WDR7: variants seen among roughly 807,000 people sequenced by gnomAD.
WDR7 encodes WD repeat-containing protein 7.
Under a neutral mutation model 169.4 loss-of-function variants are expected in WDR7, and 46 were observed. The observed-to-expected ratio is 0.27, with a 90% confidence interval of 0.21 to 0.35. WDR7 has a LOEUF of 0.35. WDR7 is among the 10% of genes least tolerant of loss of function. The probability of loss-of-function intolerance (pLI) is 1.00; values close to 1 mark genes in which losing one functional copy is unlikely to be tolerated. For missense variants in WDR7, 1,534 were observed against 1,859.3 expected (o/e 0.83, Z 3.22); for synonymous variants, 612 against 666.8 (o/e 0.92, Z 1.27).
intron 26 of WDR7, among the ~76,000 whole-genome samples, chr18:56,970,650 C>T (rs2047471098): frequency 6.6e-6 from 1 of 152,120 alleles, no homozygotes; most frequent in African/African-American, 2.4e-5. Context: ...ATATTTGTTA[C>T]AACTGATGAA....
At chr18:56,950,654 T>C (rs2047168577) in intron 25 of WDR7, among the ~76,000 whole-genome samples, 1 of 152,160 alleles carries the variant, frequency 6.6e-6, no homozygotes, top group Non-Finnish European at 1.5e-5. Flanking sequence ...ATCCAGTACC[T>C]GGAGAGAAGG....
At chr18:56,685,899 A>G (rs2025433588) in intron 5 of WDR7, 57 bp from the exon 6 acceptor site, 2 of 1,351,274 alleles carry the variant, frequency 1.5e-6, no homozygotes, top group Non-Finnish European at 2.1e-6. Flanking sequence ...CTTAATATTT[A>G]GAAAAAGCGT....
intron 20 of WDR7, among the ~76,000 whole-genome samples, chr18:56,868,689 A>G (rs893656334): frequency 2.0e-5 from 3 of 152,152 alleles, no homozygotes; most frequent in African/African-American, 4.8e-5. Flanking sequence ...TCAGATTTGT[A>G]TAATTTTACA....
chr18:56,796,981 G>C (rs2044595116), intron 19 of WDR7, among the ~76,000 whole-genome samples: 1 of 152,046 alleles, frequency 6.6e-6, no homozygotes. Flanking sequence ...CCTTTGCTGG[G>C]ACCTTTATAG....
rs117273639 is a variant in WDR7 at position 56,651,503 on chromosome 18, C to T, written c.-93C>T. 1 of 152,746 alleles carries T rather than the reference C, an allele frequency of 6.5e-6. No homozygotes were observed. The highest frequency in any genetic ancestry group is 1.9e-4 in the East Asian group (1 of 5,182). 9.5% of individuals were successfully genotyped at this position (152,746 alleles called of 1,614,324 possible). Reference sequence around the variant, plus strand: ...GCATCCTCCGTAGTTCCGCCCTATCCTTGTCCTCCTTGGCTGGGGCGCCCA... The same window carrying T: ...GCATCCTCCGTAGTTCCGCCCTATCTTTGTCCTCCTTGGCTGGGGCGCCCA... On this transcript the variant is annotated 5_prime_UTR_variant, in exon 1 of 28. Transcript: ENST00000254442.
intron 26 of WDR7, among the ~76,000 whole-genome samples, chr18:56,973,758 T>C (rs146349308): frequency 8.5e-4 from 130 of 152,258 alleles, no homozygotes; most frequent in African/African-American, 3.0e-3. Flanking sequence ...ATTTCAAGGG[T>C]TGTGTCAAGA....
intron 26 of WDR7, among the ~76,000 whole-genome samples, chr18:56,996,904 A>G (rs2145874584): frequency 6.6e-6 from 1 of 152,346 alleles, no homozygotes; most frequent in Non-Finnish European, 1.5e-5. Flanking sequence ...ACTTGAGTAG[A>G]AAAACGCACA....
intron 1 of WDR7, 47 bp from the exon 2 acceptor site, chr18:56,672,450 T>C (rs1026886720): frequency 1.9e-5 from 26 of 1,376,494 alleles, no homozygotes; most frequent in Non-Finnish European, 2.4e-5. Context: ...ATAACATGTT[T>C]TCGAGAGAAA....
At position 56,756,760 on chromosome 18, in the gene WDR7, G is replaced by T. The variant is rs756223926; in HGVS notation, c.2167G>T (p.Ala723Ser). 9 of 1,614,088 alleles carry T rather than the reference G, an allele frequency of 5.6e-6. No homozygotes were observed. In the South Asian group the frequency reaches 7.7e-5, roughly 14 times the overall value. ...TATTTCCCCAGAGAATTTGCAAAAA[G>T]CATCTGGCAGTTCAGACAAAGGGGG... The part of the protein sequence containing the change: ...ALISPENLQK[A>S]SGSSDKGGSF... Residue 723 changes from alanine (A) to serine (S), a missense_variant, in exon 15 of 28, where the codon GCA becomes TCA. Transcript: ENST00000254442.
chr18:56,673,380 A>C (rs751267576), intron 2 of WDR7, among the ~76,000 whole-genome samples: 1 of 152,184 alleles, frequency 6.6e-6, no homozygotes, highest in Non-Finnish European at 1.5e-5. Context: ...CTTTTTTTGG[A>C]TAATAGCCTT....
chr18:56,718,794 T>C (rs2026251039), intron 13 of WDR7, among the ~76,000 whole-genome samples: 2 of 152,254 alleles, frequency 1.3e-5, no homozygotes, highest in Non-Finnish European at 2.9e-5. Context: ...TTTCACAATT[T>C]TCACTAATCA....
chr18:56,762,368 T>G (rs1314129793), intron 16 of WDR7, among the ~76,000 whole-genome samples: 3 of 152,042 alleles, frequency 2.0e-5, no homozygotes, highest in Non-Finnish European at 4.4e-5. Flanking sequence ...ATTTCTTTCA[T>G]AAATTCAAAC....
At chr18:56,776,964 C>A in intron 17 of WDR7, 84 bp downstream of exon 17, 2 of 1,262,104 alleles carry the variant, frequency 1.6e-6, no homozygotes, top group Non-Finnish European at 2.3e-6. Flanking sequence ...GTTACACATT[C>A]ATCTGCTTTG....
chr18:56,701,693 A>C (rs2025838379), intron 12 of WDR7, among the ~76,000 whole-genome samples: 1 of 152,164 alleles, frequency 6.6e-6, no homozygotes, highest in African/African-American at 2.4e-5. Flanking sequence ...TGGGCTATTA[A>C]CTTTTCATCT....
chr18:56,851,629 A>G (rs2045641946), intron 20 of WDR7, among the ~76,000 whole-genome samples: 1 of 152,114 alleles, frequency 6.6e-6, no homozygotes. Context: ...ATTGACCTAG[A>G]CCAAGATTTC....
chr18:56,910,725 T>G (rs1440629549), intron 21 of WDR7, among the ~76,000 whole-genome samples: 1 of 152,174 alleles, frequency 6.6e-6, no homozygotes, highest in African/African-American at 2.4e-5. Flanking sequence ...ATGCTTCTTT[T>G]TTGTCTTAAA....
At chr18:56,908,336 C>T (rs4801060) in intron 21 of WDR7, among the ~76,000 whole-genome samples, 123,969 of 152,136 alleles carry the variant, frequency 0.81, 50,928 homozygotes, top group East Asian at 0.98. Flanking sequence ...TTCTGCCATC[C>T]TTGGGAAACT....
intron 20 of WDR7, among the ~76,000 whole-genome samples, chr18:56,834,173 G>C (rs1284845324): frequency 6.6e-6 from 1 of 152,200 alleles, no homozygotes; most frequent in African/African-American, 2.4e-5. Context: ...CATCTTTGAA[G>C]ACAGCACAAC....
At chr18:56,889,053 C>T (rs943885133) in intron 21 of WDR7, among the ~76,000 whole-genome samples, 7 of 152,064 alleles carry the variant, frequency 4.6e-5, no homozygotes, top group Admixed American at 1.3e-4. Context: ...GTTGGGAGGC[C>T]TAGGAAGGGG....
Sources: allele counts gnomAD v4.1 joint callset (sites outside exome capture counted in the v4.1 genomes callset), GRCh38; gene constraint gnomAD v4.1.1; transcripts MANE v1.5; gene names NCBI Gene and HGNC (gene_info 2026-07-23, HGNC 2026-07-21).